ENOX1: variants seen among roughly 807,000 people sequenced by gnomAD.
The protein encoded by ENOX1 is ecto-NOX disulfide-thiol exchanger 1, also known as candidate growth-related and time keeping constitutive hydroquinone (NADH) oxidase.
In ENOX1, 42 loss-of-function variants were observed where a neutral mutation model predicts 82.5. The ratio of observed to expected loss-of-function variants is 0.51; its 90% CI spans 0.40 to 0.66. The LOEUF is 0.66. Ranked by LOEUF, ENOX1 falls within the 30% of genes least tolerant of loss-of-function variation. ENOX1 has a pLI of 0.00. For missense variants in ENOX1, 608 were observed against 811.6 expected, an observed-to-expected ratio of 0.75 and a Z score of 3.05; for synonymous variants, 271 against 282.2, an observed-to-expected ratio of 0.96 and a Z score of 0.40.
At chr13:43,466,369 T>C (rs1018867805) in intron 3 of ENOX1, among the ~76,000 whole-genome samples, 2 of 152,156 alleles carry the variant, frequency 1.3e-5, no homozygotes, top group African/African-American at 4.8e-5. Flanking sequence ...GTGAAAATTA[T>C]ACTTGATTGT....
At chr13:43,269,676 A>G (rs730210) in intron 12 of ENOX1, 99 bp from the exon 13 acceptor site, 439,986 of 921,368 alleles carry the variant, frequency 0.48, 115,295 homozygotes, top group Non-Finnish European at 0.56. Flanking sequence ...GAAGATGTTT[A>G]CAAGTCTTGA....
intron 1 of ENOX1, among the ~76,000 whole-genome samples, chr13:43,715,891 T>G (rs1329166792): frequency 6.6e-6 from 1 of 152,184 alleles, no homozygotes; most frequent in Non-Finnish European, 1.5e-5. Context: ...TTCTCGAGCC[T>G]TGGCTTTCAG....
At position 43,605,213 on chromosome 13, in the gene ENOX1, T is replaced by C. The variant is rs554049187; in HGVS notation, c.-219+62266A>G. ...TGTGCATGGGCTGGAAGAATCAATATGGTTAAAATGTCCATACTACACAAA... is the reference window on the plus strand; with the variant it reads ...TGTGCATGGGCTGGAAGAATCAATACGGTTAAAATGTCCATACTACACAAA... On this transcript the variant is annotated intron_variant, in intron 2 of 16. Coordinates refer to ENST00000690772, the MANE Select transcript of ENOX1 (RefSeq NM_001347969.2). 8.5e-5 allele frequency among the ~76,000 whole-genome samples: 13 copies of C among 152,260 alleles called. 1 individual carries two copies. In the South Asian group the frequency reaches 2.7e-3, roughly 32 times the overall value.
chr13:43,361,952 C>A (rs1316774544), intron 5 of ENOX1, among the ~76,000 whole-genome samples: 1 of 147,696 alleles, frequency 6.8e-6, no homozygotes, highest in Admixed American at 6.8e-5. Context: ...GTATTCAGGT[C>A]CCACCTAACC....
intron 2 of ENOX1, among the ~76,000 whole-genome samples, chr13:43,558,523 A>T (rs1304448122): frequency 6.6e-6 from 1 of 152,224 alleles, no homozygotes; most frequent in Non-Finnish European, 1.5e-5. Flanking sequence ...TGTTGGCTTC[A>T]GGAAAAGTCT....
chr13:43,667,312 C>T (rs760929201), intron 2 of ENOX1, 167 bp downstream of exon 2: 10 of 264,090 alleles, frequency 3.8e-5, no homozygotes, highest in Non-Finnish European at 5.3e-5. Context: ...AAATGCTCCC[C>T]AAATGCATGT....
Position 43,433,124 on chromosome 13 carries a change from G to C in ENOX1, c.-74-20136C>G, listed in dbSNP as rs190503236. 3.6e-3 allele frequency among the ~76,000 whole-genome samples: 542 copies of C among 152,234 alleles called. 4 individuals are homozygous for C. Among genetic ancestry groups the C allele is most frequent in the Non-Finnish European group, 5.9e-3 (398 of 68,028 alleles). Reference sequence around the variant, plus strand: ...AAAGATTTAGCTCATGGTTCTGCAGGCTGTACAAAAGGCATGGTGCCAACA... The same window carrying C: ...AAAGATTTAGCTCATGGTTCTGCAGCCTGTACAAAAGGCATGGTGCCAACA... On this transcript the variant is annotated intron_variant, in intron 3 of 16. Coordinates refer to ENST00000690772, the MANE Select transcript of ENOX1 (RefSeq NM_001347969.2).
At chr13:43,420,068 T>C (rs935762880) in intron 3 of ENOX1, among the ~76,000 whole-genome samples, 1 of 152,214 alleles carries the variant, frequency 6.6e-6, no homozygotes, top group Non-Finnish European at 1.5e-5. Context: ...TCATGGTATA[T>C]ATTTACAGTA....
intron 1 of ENOX1, among the ~76,000 whole-genome samples, chr13:43,674,668 C>T (rs73186147): frequency 0.071 from 10,756 of 152,172 alleles, 498 homozygotes; most frequent in African/African-American, 0.13. Context: ...GGATACATGT[C>T]ATTATACGTT....
At chr13:43,214,676 C>A (rs2041372683) in intron 16 of ENOX1, among the ~76,000 whole-genome samples, 1 of 152,146 alleles carries the variant, frequency 6.6e-6, no homozygotes, top group Non-Finnish European at 1.5e-5. Context: ...GATATCTAGT[C>A]ATAAAATTCA....
chr13:43,238,462 T>A (rs1208113456), intron 14 of ENOX1, among the ~76,000 whole-genome samples: 1 of 152,198 alleles, frequency 6.6e-6, no homozygotes, highest in Non-Finnish European at 1.5e-5. Flanking sequence ...GGTCTGTGTG[T>A]ACACATCATC....
chr13:43,324,970 T>C (rs931636892), intron 10 of ENOX1, among the ~76,000 whole-genome samples: 1 of 152,252 alleles, frequency 6.6e-6, no homozygotes, highest in African/African-American at 2.4e-5. Context: ...ACATTCCTTT[T>C]AATCATGTTT....
chr13:43,391,876 A>G (rs140809816), intron 5 of ENOX1, among the ~76,000 whole-genome samples: 306 of 152,236 alleles, frequency 2.0e-3, no homozygotes, highest in Admixed American at 5.0e-3. Flanking sequence ...GAATAAATAA[A>G]TCACCTTCAA....
intron 1 of ENOX1, among the ~76,000 whole-genome samples, chr13:43,772,551 C>G (rs1951692879): frequency 6.6e-6 from 1 of 151,962 alleles, no homozygotes; most frequent in African/African-American, 2.4e-5. Context: ...GAGTTTGAGA[C>G]CAGCCTGGCC....
At position 43,761,318 on chromosome 13, in the gene ENOX1, T is replaced by C. The variant is rs563724755; in HGVS notation, c.-285+25334A>G. The stretch of plus-strand genomic sequence containing the variant: ...CACCTTTATTTCATACAAAAACACA[T>C]GGAACTACCTCAGACGATAAAGAAA... On this transcript the variant is annotated intron_variant, in intron 1 of 16. Transcript: ENST00000690772. Among the ~76,000 whole-genome samples, 3 of 152,332 alleles carry C rather than the reference T, an allele frequency of 2.0e-5. No individual in the cohort carries two copies. In the South Asian group the frequency reaches 6.2e-4, roughly 32 times the overall value.
intron 2 of ENOX1, among the ~76,000 whole-genome samples, chr13:43,587,823 A>G (rs2081064579): frequency 6.6e-6 from 1 of 152,206 alleles, no homozygotes; most frequent in South Asian, 2.1e-4. Context: ...GTTATTCTTC[A>G]ACTATTAGTT....
intron 2 of ENOX1, among the ~76,000 whole-genome samples, chr13:43,538,650 T>C (rs1284031105): frequency 1.3e-5 from 2 of 152,230 alleles, no homozygotes; most frequent in African/African-American, 2.4e-5. Context: ...TTTGTACTTA[T>C]TTGACATAAA....
intron 15 of ENOX1, among the ~76,000 whole-genome samples, chr13:43,225,885 T>C (rs1166684572): frequency 1.3e-5 from 2 of 152,224 alleles, no homozygotes; most frequent in African/African-American, 4.8e-5. Context: ...GACTGACCTG[T>C]TCTTCCTGAG....
chr13:43,638,965 G>A (rs2083516089), intron 2 of ENOX1, among the ~76,000 whole-genome samples: 1 of 152,168 alleles, frequency 6.6e-6, no homozygotes, highest in African/African-American at 2.4e-5. Flanking sequence ...GGGAATGACA[G>A]CACAGAATTG....
Sources: gnomAD v4.1 joint callset for allele counts (sites outside exome capture counted in the v4.1 genomes callset) on GRCh38, gnomAD v4.1.1 for gene constraint, MANE v1.5 for transcripts, NCBI Gene and HGNC (gene_info 2026-07-23, HGNC 2026-07-21) for gene names.